Variants in RSBN1L observed in about 807,000 individuals in gnomAD.
RSBN1L encodes lysine-specific demethylase RSBN1L.
RSBN1L carries 30 observed loss-of-function variants against 67.7 expected under a neutral mutation model. The observed-to-expected ratio is 0.44, with a 90% confidence interval of 0.33 to 0.60. The LOEUF is 0.60. Among genes scored for constraint, RSBN1L ranks in the 20% least tolerant of loss-of-function variants. RSBN1L has a pLI of 0.02. For synonymous variants in RSBN1L, 433 were observed against 387.0 expected (o/e 1.12, Z -1.39); for missense variants, 992 against 1,031.7 (o/e 0.96, Z 0.53).
chr7:77,760,181 C>T (rs1791681808), intron 3 of RSBN1L, among the ~76,000 whole-genome samples: 1 of 152,128 alleles, frequency 6.6e-6, no homozygotes. Context: ...AGCAAGCCCA[C>T]CTCAGAATCC....
At chr7:77,701,183 CAACAACAAA>C (rs1562791799) in intron 1 of RSBN1L, among the ~76,000 whole-genome samples, 2 of 132,858 alleles carry the variant, frequency 1.5e-5, no homozygotes, top group South Asian at 2.4e-4. Flanking sequence ...ACAACAACAA[CAACAACAAA>C]AAAAAACGAC....
intron 1 of RSBN1L, among the ~76,000 whole-genome samples, chr7:77,723,284 C>G (rs1562797598): frequency 6.6e-6 from 1 of 151,762 alleles, no homozygotes; most frequent in Non-Finnish European, 1.5e-5. Context: ...TTAAGAACTT[C>G]CAGTGTGGAT....
intron 3 of RSBN1L, among the ~76,000 whole-genome samples, chr7:77,753,287 C>T (rs1250877920): frequency 6.6e-6 from 1 of 152,144 alleles, no homozygotes; most frequent in Non-Finnish European, 1.5e-5. Context: ...TCCTTTGCCA[C>T]GGTTAGTAGT....
intron 3 of RSBN1L, among the ~76,000 whole-genome samples, chr7:77,751,544 A>G (rs546502172): frequency 6.6e-6 from 1 of 152,368 alleles, no homozygotes; most frequent in South Asian, 2.1e-4. Flanking sequence ...TAGAGCATCC[A>G]TTACTAGCCC....
Position 77,696,672 on chromosome 7 carries a change from A to G in RSBN1L, c.203A>G (p.Gln68Arg). 1.2e-6 allele frequency: 2 copies of G among 1,611,152 alleles called. No individual in the cohort carries two copies. The highest frequency in any genetic ancestry group is 1.7e-6 in the Non-Finnish European group (2 of 1,179,036). Residue 68 changes from glutamine to arginine, a missense_variant, in exon 1 of 8, where the codon CAG (glutamine) becomes CGG (arginine). Physicochemically the swap from Gln to Arg is conservative, Grantham distance 43. Coordinates refer to ENST00000334955, the MANE Select transcript of RSBN1L (RefSeq NM_198467.3). The stretch of plus-strand genomic sequence containing the variant: ...GGGGGCAGCGGCGGGAACAGCAGGC[A>G]GCTGCAGCCGCCGGCAGCACCTTCG... The part of the protein sequence containing the change: ...GEGGSGGNSR[Q>R]LQPPAAPSPQ...
intron 1 of RSBN1L, among the ~76,000 whole-genome samples, chr7:77,723,135 T>C (rs1194376104): frequency 6.6e-6 from 1 of 151,862 alleles, no homozygotes; most frequent in Non-Finnish European, 1.5e-5. Flanking sequence ...CCTGGCTAAT[T>C]TTGTATTTTT....
intron 1 of RSBN1L, among the ~76,000 whole-genome samples, chr7:77,707,764 C>T (rs1427597053): frequency 2.6e-5 from 4 of 152,102 alleles, no homozygotes; most frequent in African/African-American, 7.2e-5. Flanking sequence ...CTATATCAAG[C>T]ACTTTCGAGA....
chr7:77,751,855 T>C (rs1791560844), intron 3 of RSBN1L, among the ~76,000 whole-genome samples: 1 of 152,224 alleles, frequency 6.6e-6, no homozygotes, highest in Non-Finnish European at 1.5e-5. Context: ...GGTTTTCTAT[T>C]GGGCCTCTTG....
chr7:77,698,451 G>T (rs1215226462), intron 1 of RSBN1L, among the ~76,000 whole-genome samples: 2 of 152,192 alleles, frequency 1.3e-5, no homozygotes, highest in Admixed American at 1.3e-4. Context: ...AGTGTTTGTG[G>T]TGTGTAAACT....
At chr7:77,745,596 A>T (rs1259999622) in intron 2 of RSBN1L, among the ~76,000 whole-genome samples, 1 of 152,194 alleles carries the variant, frequency 6.6e-6, no homozygotes, top group Non-Finnish European at 1.5e-5. Context: ...CATGAAGGAA[A>T]GGATATAAGA....
rs761926180 is a variant in RSBN1L, at chr7:77,749,748, T to G, written c.1028T>G (p.Leu343Trp). 31 of 1,614,086 alleles carry G rather than the reference T, an allele frequency of 1.9e-5. No individual in the cohort carries two copies. The highest frequency in any genetic ancestry group is 2.4e-5 in the Non-Finnish European group (28 of 1,180,044). Residue 343 changes from leucine to tryptophan, a missense_variant, in exon 3 of 8, where the codon TTG becomes TGG. Around this residue, in one of 7 missense-constraint regions of RSBN1L, gnomAD observed 575 missense variants for 483.2 expected, o/e 1.19. Coordinates refer to ENST00000334955, the MANE Select transcript of RSBN1L (RefSeq NM_198467.3). ...AATAACCTCAAAAGGTTGGACACTTTGGAATTTAAACAACTCATTCATATA... is the reference window on the plus strand; with the variant it reads ...AATAACCTCAAAAGGTTGGACACTTGGGAATTTAAACAACTCATTCATATA... The part of the protein sequence containing the change: ...VQNNLKRLDT[L>W]EFKQLIHIEH...
intron 1 of RSBN1L, among the ~76,000 whole-genome samples, chr7:77,726,807 T>G: frequency 7.7e-6 from 1 of 130,386 alleles, no homozygotes; most frequent in Non-Finnish European, 1.6e-5. Flanking sequence ...TGAGGCAGAG[T>G]CTCGCTCTTG....
chr7:77,713,547 G>A (rs544225009), intron 1 of RSBN1L, among the ~76,000 whole-genome samples: 215 of 151,586 alleles, frequency 1.4e-3, no homozygotes, highest in African/African-American at 4.5e-3. Flanking sequence ...TAGTAGAGAC[G>A]GGGTTTCACC....
At chr7:77,732,155 C>T (rs2150419630) in intron 1 of RSBN1L, among the ~76,000 whole-genome samples, 1 of 152,108 alleles carries the variant, frequency 6.6e-6, no homozygotes, top group East Asian at 1.9e-4. Flanking sequence ...GAATTTTTCC[C>T]AAGCCTGAGA....
intron 2 of RSBN1L, among the ~76,000 whole-genome samples, chr7:77,737,872 A>G (rs1791357512): frequency 1.3e-5 from 2 of 152,102 alleles, no homozygotes; most frequent in African/African-American, 4.8e-5. Flanking sequence ...AAAATGAAAA[A>G]TTAGTGGGGC....
chr7:77,716,018 A>G lies in RSBN1L; in HGVS notation c.586+18963A>G, dbSNP rs141808907. 8.5e-5 allele frequency among the ~76,000 whole-genome samples: 13 copies of G among 152,212 alleles called. 1 individual carries two copies. The highest frequency in any genetic ancestry group is 2.6e-4 in the African/African-American group (11 of 41,536). On this transcript the variant is annotated intron_variant, in intron 1 of 7. Coordinates refer to ENST00000334955, the MANE Select transcript of RSBN1L (RefSeq NM_198467.3). ...TCCTTTATCAGATACATGTTTTGCA[A>G]ATGTTTTCTACCATTCTCTGTCTTT...
chr7:77,739,513 G>C (rs1285693150), intron 2 of RSBN1L, among the ~76,000 whole-genome samples: 1 of 151,566 alleles, frequency 6.6e-6, no homozygotes, highest in African/African-American at 2.4e-5. Context: ...AGGAGTTTGA[G>C]ACCAGCTTGG....
chr7:77,719,851 G>T (rs1466549306), intron 1 of RSBN1L, among the ~76,000 whole-genome samples: 1 of 152,174 alleles, frequency 6.6e-6, no homozygotes, highest in Non-Finnish European at 1.5e-5. Flanking sequence ...TGCAGCCTCA[G>T]ACTCCTGGGC....
intron 2 of RSBN1L, among the ~76,000 whole-genome samples, chr7:77,739,268 T>G (rs1474170075): frequency 2.6e-5 from 4 of 152,194 alleles, no homozygotes; most frequent in African/African-American, 9.6e-5. Flanking sequence ...GCCTCCAACT[T>G]TTATTCTATC....
Sources: allele counts gnomAD v4.1 joint callset (sites outside exome capture counted in the v4.1 genomes callset), GRCh38; gene constraint gnomAD v4.1.1; regional missense constraint gnomAD v4.1.1; transcripts MANE v1.5; gene names NCBI Gene and HGNC (gene_info 2026-07-23, HGNC 2026-07-21).